The following LPCAT3 variants were observed in gnomAD, a reference collection of about 807,000 sequenced individuals.
LPCAT3 encodes the protein lysophospholipid acyltransferase 5.
Under a neutral mutation model 63.4 loss-of-function variants are expected in LPCAT3, and 21 were observed. The observed-to-expected ratio is 0.33, with a 90% CI of 0.23 to 0.48. The LOEUF is 0.48. Among genes scored for constraint, LPCAT3 ranks in the 20% least tolerant of loss-of-function variants. The pLI is 0.99. For synonymous variants in LPCAT3, 242 were observed against 227.5 expected (o/e 1.06, Z -0.58); for missense variants, 451 against 590.6 (o/e 0.76, Z 2.45).
At chr12:6,986,685 A>T (rs1946529125) in intron 1 of LPCAT3, among the ~76,000 whole-genome samples, 1 of 148,096 alleles carries the variant, frequency 6.8e-6, no homozygotes, top group Admixed American at 6.8e-5. Context: ...CAGGAGGCTG[A>T]GGCAGGGGAA....
Position 7,018,318 on chromosome 12 carries a change from C to T in LPCAT3, c.107G>A (p.Gly36Asp). ...CAGCCGCAGCGCCTGTTCTGACGCG[C>T]CCAGGGACGTCGCCAACTTGTTAAG... is the stretch of plus-strand genomic sequence containing the variant. ...LSLNKLATSLGASEQALRLII... is the reference protein window; with the variant it reads ...LSLNKLATSLDASEQALRLII... Residue 36 changes from glycine to aspartate, a missense_variant, in exon 1 of 13, where the codon GGC becomes GAC. Gly to Asp is a moderately conservative substitution (Grantham distance 94). Transcript: ENST00000261407. The surrounding 1 kb of genome is among the most constrained non-coding windows in gnomAD (Gnocchi z 4.9). 1 of 1,609,762 alleles carries T rather than the reference C, an allele frequency of 6.2e-7. No individual in the cohort carries two copies. Among genetic ancestry groups the T allele is most frequent in the East Asian group, 2.2e-5 (1 of 44,706 alleles).
At chr12:6,997,343 G>T (rs1251879179) in intron 1 of LPCAT3, 1 of 150,432 alleles carries the variant, frequency 6.6e-6, no homozygotes, top group African/African-American at 2.5e-5. Context: ...AGGACTATAG[G>T]TATGTGCCGC....
chr12:6,986,243 T>A (rs1565599905), intron 1 of LPCAT3, among the ~76,000 whole-genome samples: 1 of 152,148 alleles, frequency 6.6e-6, no homozygotes, highest in Non-Finnish European at 1.5e-5. Flanking sequence ...TTTCTCTTTC[T>A]CCTCCTCCTT....
Position 7,018,374 on chromosome 12 carries a change from C to A in LPCAT3, c.51G>T (p.Gly17=), listed in dbSNP as rs1565608471. 6.2e-7 allele frequency: 1 copy of A among 1,612,544 alleles called. No individual in the cohort carries two copies. The highest frequency in any genetic ancestry group is 1.3e-5 in the African/African-American group (1 of 75,046). ...GDEGTVVALA[G]VLQSGFQELS... ...GCTCCTGGAAACCCGACTGCAGAAC[C>A]CCCGCCAGCGCCACCACAGTCCCCT... is the stretch of plus-strand genomic sequence containing the variant. Residue 17 remains glycine, a synonymous_variant, in exon 1 of 13, where the codon GGG becomes GGT. Coordinates refer to ENST00000261407, the MANE Select transcript of LPCAT3 (RefSeq NM_005768.6). This position sits in a 1 kb window ranked among gnomAD's most constrained non-coding sequence, Gnocchi z 4.9.
At chr12:7,009,937 T>C (rs1946750693) in intron 1 of LPCAT3, among the ~76,000 whole-genome samples, 1 of 152,212 alleles carries the variant, frequency 6.6e-6, no homozygotes. Flanking sequence ...ATCAGATAAA[T>C]TGCTTAACTC....
chr12:7,005,697 A>C (rs1555156818), intron 1 of LPCAT3, among the ~76,000 whole-genome samples: 1 of 152,262 alleles, frequency 6.6e-6, no homozygotes, highest in African/African-American at 2.4e-5. Context: ...GATATTAAAC[A>C]GCTTTTCACG....
At position 6,987,093 on chromosome 12, in the gene LPCAT3, A is replaced by G. The variant is rs1946536154; in HGVS notation, c.152-3554T>C. On this transcript the variant is annotated intron_variant, in intron 1 of 12. Coordinates refer to ENST00000261407, the MANE Select transcript of LPCAT3 (RefSeq NM_005768.6). This position sits in a 1 kb window ranked among gnomAD's most constrained non-coding sequence, Gnocchi z 4.1. ...ACGCCATTGCACTCCAGCTTGGGCA[A>G]CGAGCAAGATTCTGTCTCAAAAAAA... 6.6e-6 allele frequency among the ~76,000 whole-genome samples: 1 copy of G among 151,388 alleles called. No homozygotes were observed.
chr12:6,981,189 C>A lies in LPCAT3; in HGVS notation c.499-7G>T. On this transcript the variant is annotated splice_polypyrimidine_tract_variant and splice_region_variant and intron_variant, in intron 5 of 12. Transcript: ENST00000261407. ...GCTCAGAGGACAAGGAATTCTATGC[C>A]AAGAAGAGAATGCATGGTTCAGGAT... is the stretch of plus-strand genomic sequence containing the variant. 6.2e-7 allele frequency: 1 copy of A among 1,600,940 alleles called. No individual in the cohort carries two copies. Among genetic ancestry groups the A allele is most frequent in the South Asian group, 1.1e-5 (1 of 89,200 alleles).
intron 1 of LPCAT3, among the ~76,000 whole-genome samples, chr12:7,012,236 T>C (rs1387455945): frequency 6.6e-6 from 1 of 152,146 alleles, no homozygotes; most frequent in African/African-American, 2.4e-5. Flanking sequence ...GAGAGGTGGC[T>C]CATATACTGA....
intron 1 of LPCAT3, among the ~76,000 whole-genome samples, chr12:7,007,775 A>C (rs1946737701): frequency 6.6e-6 from 1 of 152,146 alleles, no homozygotes; most frequent in African/African-American, 2.4e-5. Context: ...GATTACAGGC[A>C]TGAGCCACTG....
intron 1 of LPCAT3, among the ~76,000 whole-genome samples, chr12:6,992,234 G>T (rs1946595911): frequency 6.6e-6 from 1 of 151,948 alleles, no homozygotes; most frequent in African/African-American, 2.4e-5. Context: ...TACTCAGGAG[G>T]CTGAGGTAGC....
At chr12:6,982,834 G>T in intron 2 of LPCAT3, 52 bp from the exon 3 acceptor site, 1 of 1,203,458 alleles carries the variant, frequency 8.3e-7, no homozygotes, top group Non-Finnish European at 1.2e-6. Context: ...CCACCGTCCT[G>T]AGACTTCCAA....
In LPCAT3 at chr12:6,977,681, A is replaced by G; in HGVS notation, c.1105T>C (p.Phe369Leu). ...KELSQGLSLL[F>L]LALWHGLHSG... ...TGCAGGCCGTGCCAGAGGGCCAGGA[A>G]TAGCAACGAGAGACCCTGAGAGAGT... Residue 369 changes from phenylalanine to leucine, a missense_variant, in exon 10 of 13, where the codon TTC becomes CTC. Physicochemically the swap from Phe to Leu is conservative, Grantham distance 22. Coordinates refer to ENST00000261407, the MANE Select transcript of LPCAT3 (RefSeq NM_005768.6). The surrounding 1 kb of genome is among the most constrained non-coding windows in gnomAD (Gnocchi z 4.5). 6.2e-7 allele frequency: 1 copy of G among 1,614,232 alleles called. No homozygotes were observed. Among genetic ancestry groups the G allele is most frequent in the Non-Finnish European group, 8.5e-7 (1 of 1,180,032 alleles).
chr12:7,000,444 G>A (rs1256327170), intron 1 of LPCAT3, among the ~76,000 whole-genome samples: 4 of 149,878 alleles, frequency 2.7e-5, no homozygotes, highest in Non-Finnish European at 3.0e-5. Flanking sequence ...AAAAAAAGCC[G>A]GGGCGTGGTG....
rs1047143927 is a variant in LPCAT3 at position 7,017,360 on chromosome 12, A to C, written c.151+914T>G. Among the ~76,000 whole-genome samples the C allele has an allele frequency of 3.9e-5, 6 of 152,156 alleles. No individual in the cohort carries two copies. The highest frequency in any genetic ancestry group is 7.4e-5 in the Non-Finnish European group (5 of 68,026). On this transcript the variant is annotated intron_variant, in intron 1 of 12. Coordinates refer to ENST00000261407, the MANE Select transcript of LPCAT3 (RefSeq NM_005768.6). The surrounding 1 kb of genome is among the most constrained non-coding windows in gnomAD (Gnocchi z 4.1). ...CTATGTGGTAGGCACTGTTGTCCTC[A>C]TTTCATAGATAAGGAAATTAGGCCC...
chr12:6,985,964 G>A (rs1302554003), intron 1 of LPCAT3, among the ~76,000 whole-genome samples: 3 of 151,734 alleles, frequency 2.0e-5, no homozygotes, highest in African/African-American at 7.3e-5. Context: ...TAGTAGAGAC[G>A]GTATTTCACC....
In LPCAT3 at chr12:6,983,467, G is replaced by A. The variant is rs142588176; in HGVS notation, c.224C>T (p.Thr75Ile). 15 of 1,612,252 alleles carry A rather than the reference G, an allele frequency of 9.3e-6. No homozygotes were observed. The Admixed American group carries it at 1.3e-4, about 14-fold the overall frequency. ...KETYLIHLFH[T>I]FTGLSIAYFN... ...ATAAGCAATTGAGAGGCCTGTAAAG[G>A]TATGGAAGAGGTGGATGAGGTAGGT... Residue 75 changes from threonine to isoleucine, a missense_variant, in exon 2 of 13, where the codon ACC (threonine) becomes ATC (isoleucine). This residue lies in a region of LPCAT3 where 133 missense variants were observed against 152.1 expected (regional missense o/e 0.87). Transcript: ENST00000261407.
chr12:6,981,557 T>G (rs781840309), intron 5 of LPCAT3, 38 bp downstream of exon 5: 1 of 1,607,718 alleles, frequency 6.2e-7, no homozygotes, highest in South Asian at 1.1e-5. Flanking sequence ...TCCCTTTCAT[T>G]AAGTCTTGAA....
intron 1 of LPCAT3, among the ~76,000 whole-genome samples, chr12:6,985,227 T>G (rs1946510564): frequency 6.7e-6 from 1 of 149,748 alleles, no homozygotes; most frequent in African/African-American, 2.5e-5. Context: ...CCGTCTCTAC[T>G]AAAAATACAA....
Sources: gnomAD v4.1 joint callset for allele counts (sites outside exome capture counted in the v4.1 genomes callset) on GRCh38, gnomAD v4.1.1 for gene constraint, gnomAD v4.1.1 regional missense constraint, Gnocchi (gnomAD v3.1) non-coding constraint, MANE v1.5 for transcripts, NCBI Gene and HGNC (gene_info 2026-07-23, HGNC 2026-07-21) for gene names.